Variants in NLRC5 observed in about 807,000 individuals in gnomAD.
NLRC5 encodes protein NLRC5.
In NLRC5, 114 loss-of-function variants were observed where a neutral mutation model predicts 206.9. That is an observed-to-expected ratio of 0.55 (90% CI 0.47 to 0.64). NLRC5 has a LOEUF of 0.64. NLRC5 is among the 30% of genes least tolerant of loss of function. NLRC5 has a pLI of 0.00. For synonymous variants in NLRC5, 952 were observed against 962.8 expected (o/e 0.99, Z 0.21); for missense variants, 2,008 against 2,305.5 (o/e 0.87, Z 2.64).
Position 57,030,088 on chromosome 16 carries a change from A to G in NLRC5, c.2417+4A>G. ...CCGTCAGGATGCTTCAGGCCAGGTGAGCAGAAGGAAAGGGATCTTGGCCTT... is the reference window on the plus strand; with the variant it reads ...CCGTCAGGATGCTTCAGGCCAGGTGGGCAGAAGGAAAGGGATCTTGGCCTT... On this transcript the variant is annotated splice_donor_region_variant and intron_variant, in intron 10 of 48. Transcript: ENST00000688547. The G allele has an allele frequency of 1.2e-6, 2 of 1,613,326 alleles. No individual in the cohort carries two copies. The highest frequency in any genetic ancestry group is 2.2e-5 in the South Asian group (2 of 91,056).
Position 57,061,606 on chromosome 16 carries a change from C to T in NLRC5, c.4071-12C>T. The T allele has an allele frequency of 6.2e-7, 1 of 1,609,880 alleles. No homozygotes were observed. Among genetic ancestry groups the T allele is most frequent in the Non-Finnish European group, 8.5e-7 (1 of 1,179,286 alleles). On this transcript the variant is annotated splice_polypyrimidine_tract_variant and intron_variant, in intron 31 of 48. Transcript: ENST00000688547. The stretch of plus-strand genomic sequence containing the variant: ...TGCCAGAGCCACCTCAGTGACTGAC[C>T]TCTGTCTCCAGGCTGACCCAGTGCT...
chr16:57,057,048 A>C (rs1470570577), intron 27 of NLRC5, among the ~76,000 whole-genome samples: 3 of 152,250 alleles, frequency 2.0e-5, no homozygotes, highest in African/African-American at 7.2e-5. Context: ...AGATGAAATT[A>C]ACAAACATCA....
chr16:57,067,806 C>T lies in NLRC5; in HGVS notation c.4477C>T (p.Leu1493Phe), dbSNP rs779532225. 1 of 1,614,110 alleles carries T rather than the reference C, an allele frequency of 6.2e-7. No homozygotes were observed. The highest frequency in any genetic ancestry group is 2.2e-5 in the East Asian group (1 of 44,890). ...GCTGCTGCAGAGCCTCCTGCTGTCCCTCTCTGAGCTGAAGACATTTCGGTA... is the reference window on the plus strand; with the variant it reads ...GCTGCTGCAGAGCCTCCTGCTGTCCTTCTCTGAGCTGAAGACATTTCGGTA... Reference protein sequence around the residue: ...SLLLQSLLLSLSELKTFRLTS... With the variant: ...SLLLQSLLLSFSELKTFRLTS... Residue 1493 changes from leucine (L) to phenylalanine (F), a missense_variant, in exon 36 of 49, where the codon CTC becomes TTC. Coordinates refer to ENST00000688547, the MANE Select transcript of NLRC5 (RefSeq NM_001384950.1).
chr16:57,076,302 CTAT>C (rs764682967), intron 39 of NLRC5, among the ~76,000 whole-genome samples: 4 of 152,214 alleles, frequency 2.6e-5, no homozygotes, highest in Non-Finnish European at 4.4e-5. Flanking sequence ...TTTGCCTCAG[CTAT>C]TTATTGTTTT....
Position 57,072,740 on chromosome 16 carries a change from C to A in NLRC5, c.4668-1860C>A, listed in dbSNP as rs564943116. On this transcript the variant is annotated intron_variant, in intron 38 of 48. Coordinates refer to ENST00000688547, the MANE Select transcript of NLRC5 (RefSeq NM_001384950.1). ...GTTCCATCTTTCTAGAAATATGTAA[C>A]AAATAACATGAAATGCCCCGGGGAT... 4.3e-3 allele frequency among the ~76,000 whole-genome samples: 655 copies of A among 152,326 alleles called. 5 individuals carry two copies. The highest frequency in any genetic ancestry group is 0.015 in the African/African-American group (628 of 41,576).
chr16:57,040,386 G>A (rs1036443198), intron 16 of NLRC5, among the ~76,000 whole-genome samples: 10 of 152,216 alleles, frequency 6.6e-5, no homozygotes, highest in African/African-American at 2.2e-4. Context: ...TGAGATTAAT[G>A]ATAATAGCAG....
chr16:57,045,334 T>C lies in NLRC5; in HGVS notation c.3204-114T>C. Reference sequence around the variant, plus strand: ...GTTGCTTAATCTATTCCTTGTTTGCTAAGAAAGCAGGCCACCCCAGGCCCT... The same window carrying C: ...GTTGCTTAATCTATTCCTTGTTTGCCAAGAAAGCAGGCCACCCCAGGCCCT... On this transcript the variant is annotated intron_variant, in intron 20 of 48. Transcript: ENST00000688547. The C allele has an allele frequency of 9.1e-6, 8 of 879,078 alleles. No individual in the cohort carries two copies. In the South Asian group the frequency reaches 9.8e-5, roughly 11 times the overall value. The allele number at this position is 879,078 out of a possible 1,614,324, so 54.5% of individuals were successfully genotyped here.
In NLRC5 at chr16:57,077,821, G is replaced by A. The variant is rs920092197; in HGVS notation, c.5003+19G>A. ...AGTTGATGTGAGTGTCTGCCCAGGT[G>A]GCCTCTGCCCTCTGTGCCCCCCAGG... is the stretch of plus-strand genomic sequence containing the variant. On this transcript the variant is annotated intron_variant, in intron 42 of 48. Transcript: ENST00000688547. 2.5e-6 allele frequency: 4 copies of A among 1,592,500 alleles called. No homozygotes were observed. Among genetic ancestry groups the A allele is most frequent in the Non-Finnish European group, 2.6e-6 (3 of 1,167,554 alleles).
chr16:57,059,344 T>C, intron 29 of NLRC5, 123 bp from the exon 30 acceptor site: 1 of 1,489,056 alleles, frequency 6.7e-7, no homozygotes. Flanking sequence ...TTCTGAGGCC[T>C]CCATCCTCCC....
chr16:57,069,792 C>T (rs748994150), intron 36 of NLRC5, 44 bp from the exon 37 acceptor site: 2 of 1,532,398 alleles, frequency 1.3e-6, no homozygotes, highest in South Asian at 2.4e-5. Flanking sequence ...TCCCAAGACC[C>T]AGGGCGGCTC....
chr16:57,015,633 A>AAT (rs2059979972), intron 1 of NLRC5, among the ~76,000 whole-genome samples: 1 of 151,274 alleles, frequency 6.6e-6, no homozygotes, highest in Non-Finnish European at 1.5e-5. Flanking sequence ...TAAATAAATA[A>AAT]ATAAAGGAAA....
intron 1 of NLRC5, among the ~76,000 whole-genome samples, chr16:57,005,659 C>A (rs773693893): frequency 6.6e-6 from 1 of 152,182 alleles, no homozygotes; most frequent in Non-Finnish European, 1.5e-5. Context: ...TGGCTCACAT[C>A]TGTAATCCCA....
At chr16:57,025,316 G>A (rs2061167435) in intron 5 of NLRC5, 52 bp from the exon 6 acceptor site, 6 of 1,505,504 alleles carry the variant, frequency 4.0e-6, no homozygotes, top group Non-Finnish European at 5.3e-6. Flanking sequence ...AAGAAGACAT[G>A]AGCAGAGGGC....
At chr16:57,045,931 A>T (rs1036717104) in intron 21 of NLRC5, among the ~76,000 whole-genome samples, 1 of 152,188 alleles carries the variant, frequency 6.6e-6, no homozygotes. Flanking sequence ...GCAGTAAACA[A>T]CCAATACTAG....
chr16:57,050,754 T>C (rs954220388), intron 23 of NLRC5, among the ~76,000 whole-genome samples: 1 of 152,210 alleles, frequency 6.6e-6, no homozygotes, highest in Non-Finnish European at 1.5e-5. Context: ...AATGGGCAAC[T>C]AGAGACCCAA....
At chr16:57,071,562 G>T (rs2067775659) in intron 38 of NLRC5, among the ~76,000 whole-genome samples, 1 of 141,916 alleles carries the variant, frequency 7.0e-6, no homozygotes, top group African/African-American at 2.7e-5. Context: ...GGGTGAGTGA[G>T]TGGTGGTGGT....
intron 1 of NLRC5, chr16:57,013,311 G>T: frequency 1.6e-6 from 1 of 622,760 alleles, no homozygotes; most frequent in South Asian, 1.5e-5. Context: ...CTAAGCTGAC[G>T]GTCATAATGA....
At chr16:57,042,850 T>C (rs1292462019) in intron 19 of NLRC5, among the ~76,000 whole-genome samples, 1 of 152,152 alleles carries the variant, frequency 6.6e-6, no homozygotes, top group Non-Finnish European at 1.5e-5. Flanking sequence ...TCACACCCTG[T>C]TTTTGTGCAA....
intron 20 of NLRC5, chr16:57,043,896 G>C (rs201549208): frequency 1.0e-5 from 4 of 389,270 alleles, no homozygotes; most frequent in Non-Finnish European, 1.8e-5. Context: ...TTTTTTTTTA[G>C]GATTTTTTTT....
Sources: allele counts gnomAD v4.1 joint callset (sites outside exome capture counted in the v4.1 genomes callset), GRCh38; gene constraint gnomAD v4.1.1; transcripts MANE v1.5; gene names NCBI Gene and HGNC (gene_info 2026-07-23, HGNC 2026-07-21).